PLEKHA5: variants seen among roughly 807,000 people sequenced by gnomAD.
PLEKHA5 encodes pleckstrin homology domain containing A5, also known as pleckstrin homology domain-containing family A member 5.
In PLEKHA5, 55 loss-of-function variants were observed where a neutral mutation model predicts 181.9. The ratio of observed to expected loss-of-function variants is 0.30; its 90% CI spans 0.24 to 0.38. The LOEUF is 0.38. Among genes scored for constraint, PLEKHA5 ranks in the 10% least tolerant of loss-of-function variants. The probability of loss-of-function intolerance (pLI) is 1.00; values close to 1 mark genes in which losing one functional copy is unlikely to be tolerated. For missense variants in PLEKHA5, 1,432 were observed against 1,549.5 expected, an observed-to-expected ratio of 0.92 and a Z score of 1.27; for synonymous variants, 535 against 529.4, an observed-to-expected ratio of 1.01 and a Z score of -0.15.
In PLEKHA5 at chr12:19,328,588, TGTGTG is replaced by T. The variant is rs2092511483; in HGVS notation, c.2448+5922_2448+5926del. On this transcript the variant is annotated intron_variant, in intron 20 of 31. Coordinates refer to ENST00000429027, the MANE Select transcript of PLEKHA5 (RefSeq NM_001256470.2). ...GTGTGTGTGTGTGTGTGTGTGTGTG[TGTGTG>T]TGTGTATTGTAAATGGAATTGCATT... Among the ~76,000 whole-genome samples the T allele has an allele frequency of 1.3e-4, 20 of 151,284 alleles. 1 individual carries two copies. Among genetic ancestry groups the T allele is most frequent in the Admixed American group, 1.1e-3 (17 of 15,096 alleles).
At chr12:19,152,626 A>T (rs2040701405) in intron 3 of PLEKHA5, 1 of 152,242 alleles carries the variant, frequency 6.6e-6, no homozygotes, top group Non-Finnish European at 1.5e-5. Context: ...GGTAATAATT[A>T]AAATCTTTGA....
intron 21 of PLEKHA5, among the ~76,000 whole-genome samples, chr12:19,339,684 A>G (rs980763199): frequency 1.3e-5 from 2 of 152,118 alleles, no homozygotes; most frequent in Non-Finnish European, 2.9e-5. Flanking sequence ...AGTAGTTAAG[A>G]CATTTCAAAA....
chr12:19,212,552 G>T (rs2057128685), intron 3 of PLEKHA5, among the ~76,000 whole-genome samples: 1 of 151,758 alleles, frequency 6.6e-6, no homozygotes, highest in Non-Finnish European at 1.5e-5. Context: ...ATGGTGGCGG[G>T]TGCCTGTAAT....
At chr12:19,315,195 T>C (rs1254905913) in intron 16 of PLEKHA5, among the ~76,000 whole-genome samples, 1 of 152,148 alleles carries the variant, frequency 6.6e-6, no homozygotes, top group Non-Finnish European at 1.5e-5. Context: ...AATTACTAGA[T>C]TTTCATATGG....
intron 3 of PLEKHA5, chr12:19,176,570 G>A (rs1284222271): frequency 2.6e-5 from 4 of 152,140 alleles, no homozygotes; most frequent in African/African-American, 7.2e-5. Flanking sequence ...GGGACTATAG[G>A]CGTGAGCCAC....
intron 15 of PLEKHA5, among the ~76,000 whole-genome samples, chr12:19,294,899 T>A (rs1479329368): frequency 6.6e-6 from 1 of 152,196 alleles, no homozygotes; most frequent in East Asian, 1.9e-4. Flanking sequence ...TGAGGATGAA[T>A]CATGTATTAA....
At chr12:19,338,117 T>C (rs927711290) in intron 21 of PLEKHA5, among the ~76,000 whole-genome samples, 15 of 152,038 alleles carry the variant, frequency 9.9e-5, no homozygotes, top group Non-Finnish European at 1.9e-4. Flanking sequence ...ACTGGCCACA[T>C]GTAGTTGTTG....
At chr12:19,210,745 A>G (rs565224013) in intron 3 of PLEKHA5, among the ~76,000 whole-genome samples, 1 of 152,332 alleles carries the variant, frequency 6.6e-6, no homozygotes, top group East Asian at 1.9e-4. Context: ...CTAGCCAGCA[A>G]AATTTATCTG....
chr12:19,214,590 G>A (rs1361543004), intron 3 of PLEKHA5, among the ~76,000 whole-genome samples: 1 of 152,082 alleles, frequency 6.6e-6, no homozygotes, highest in Admixed American at 6.6e-5. Context: ...GGGATGTTGG[G>A]AAGAAAACAG....
chr12:19,324,310 A>C (rs897746769), intron 20 of PLEKHA5, among the ~76,000 whole-genome samples: 1 of 152,142 alleles, frequency 6.6e-6, no homozygotes, highest in Non-Finnish European at 1.5e-5. Context: ...TTACATTTCT[A>C]TTTCCATTTT....
intron 15 of PLEKHA5, chr12:19,307,241 G>A (rs1018958273): frequency 2.1e-5 from 11 of 518,478 alleles, no homozygotes; most frequent in African/African-American, 3.9e-5. Context: ...GGGAGGCTGA[G>A]GAGGGTGGAT....
rs137870907 is a variant in PLEKHA5, at chr12:19,369,757, C to T, written c.3819C>T (p.Leu1273=). Reference sequence around the variant, plus strand: ...CAGTTCCATCCACTCAGCCGCAGCTCACAGAAGGATCACATTTCATGTGTG... The same window carrying T: ...CAGTTCCATCCACTCAGCCGCAGCTTACAGAAGGATCACATTTCATGTGTG... ...ASPVPSTQPQ[L]TEGSHFMCV is the part of the protein sequence containing the mutation. The change falls in exon 31 of 32, where the codon CTC becomes CTT. Residue 1273 remains leucine, a synonymous_variant. Transcript: ENST00000429027. 6.2e-7 allele frequency: 1 copy of T among 1,612,914 alleles called. No individual in the cohort carries two copies. The highest frequency in any genetic ancestry group is 1.3e-5 in the African/African-American group (1 of 75,034).
intron 23 of PLEKHA5, 65 bp from the exon 24 acceptor site, chr12:19,346,929 A>G (rs1402910664): frequency 1.9e-6 from 2 of 1,043,010 alleles, no homozygotes; most frequent in African/African-American, 1.6e-5. Flanking sequence ...TACCATTGCA[A>G]AGAATTTAGA....
intron 15 of PLEKHA5, among the ~76,000 whole-genome samples, chr12:19,308,559 C>T (rs1184221879): frequency 6.6e-6 from 1 of 152,128 alleles, no homozygotes; most frequent in African/African-American, 2.4e-5. Context: ...ATTTCCTTTA[C>T]TAAGTTCACT....
At chr12:19,340,433 C>G (rs2093789419) in intron 21 of PLEKHA5, among the ~76,000 whole-genome samples, 4 of 127,478 alleles carry the variant, frequency 3.1e-5, no homozygotes, top group Middle Eastern at 3.8e-3. Context: ...TGCCCGGCCA[C>G]CACCCCGTCT....
intron 12 of PLEKHA5, 28 bp downstream of exon 12, chr12:19,283,773 C>T (rs1454611949): frequency 2.2e-6 from 3 of 1,372,458 alleles, no homozygotes; most frequent in South Asian, 2.4e-5. Flanking sequence ...TTTGTGTTAA[C>T]TCACTACCTT....
Position 19,269,395 on chromosome 12 carries a change from GA to G in PLEKHA5, c.712-360del, listed in dbSNP as rs66531923. Among the ~76,000 whole-genome samples the G allele has an allele frequency of 3.9e-3, 408 of 105,840 alleles. 1 individual carries two copies. The highest frequency in any genetic ancestry group is 0.011 in the African/African-American group (358 of 33,280). The allele number at this position is 105,840 out of a possible 152,430, so 69.4% of individuals were successfully genotyped here. A position where few individuals can be genotyped will look rare whatever the true frequency, so the allele number is the denominator to read the frequency against. On this transcript the variant is annotated intron_variant, in intron 8 of 31. Coordinates refer to ENST00000429027, the MANE Select transcript of PLEKHA5 (RefSeq NM_001256470.2). ...GAGTGAGACTCTGTCTCAAAAAAAAGAAAAAAAAAAAAAAAGGTGTGAATTG... is the reference window on the plus strand; with the variant it reads ...GAGTGAGACTCTGTCTCAAAAAAAAGAAAAAAAAAAAAAAGGTGTGAATTG...
chr12:19,169,754 G>A (rs141935675), intron 3 of PLEKHA5, among the ~76,000 whole-genome samples: 274 of 152,246 alleles, frequency 1.8e-3, no homozygotes, highest in African/African-American at 6.3e-3. Flanking sequence ...GAAATGGCCC[G>A]GGTAAAAACC....
At chr12:19,352,120 G>A (rs1451828182) in intron 25 of PLEKHA5, among the ~76,000 whole-genome samples, 3 of 146,992 alleles carry the variant, frequency 2.0e-5, no homozygotes, top group African/African-American at 5.0e-5. Flanking sequence ...CTAGTGGCAC[G>A]CGCTTGTAAT....
Sources: gnomAD v4.1 joint callset for allele counts (sites outside exome capture counted in the v4.1 genomes callset) on GRCh38, gnomAD v4.1.1 for gene constraint, MANE v1.5 for transcripts, NCBI Gene and HGNC (gene_info 2026-07-23, HGNC 2026-07-21) for gene names.